The following ARB2A variants were observed in gnomAD, a reference collection of about 807,000 sequenced individuals.
The protein encoded by ARB2A is ARB2 cotranscriptional regulator A, also known as cotranscriptional regulator ARB2A.
the ARB2A span, among the ~76,000 whole-genome samples, chr5:93,813,235 T>C: frequency 6.6e-6 from 1 of 152,134 alleles, no homozygotes; most frequent in African/African-American, 2.4e-5. Flanking sequence ...TACCGGACAA[T>C]GGAGAAAAGG....
the ARB2A span, among the ~76,000 whole-genome samples, chr5:93,768,732 C>A: frequency 6.6e-6 from 1 of 151,962 alleles, no homozygotes; most frequent in Non-Finnish European, 1.5e-5. Flanking sequence ...AGGCTCACGC[C>A]ACCATGCCTG....
chr5:93,784,360 C>G, the ARB2A span: 1 of 1,565,712 alleles, frequency 6.4e-7, no homozygotes, highest in South Asian at 1.1e-5. Context: ...TTCATCTCAG[C>G]ACTAAAAAAA....
chr5:93,860,300 A>T, the ARB2A span, among the ~76,000 whole-genome samples: 1 of 152,290 alleles, frequency 6.6e-6, no homozygotes, highest in African/African-American at 2.4e-5. Context: ...CTCAAAAAAA[A>T]TAAAGAATCT....
the ARB2A span, among the ~76,000 whole-genome samples, chr5:93,892,259 C>T: frequency 6.6e-6 from 1 of 152,154 alleles, no homozygotes; most frequent in Non-Finnish European, 1.5e-5. Flanking sequence ...TGCAATTATA[C>T]ACAGGGAACT....
At chr5:93,995,860 A>G in the ARB2A span, among the ~76,000 whole-genome samples, 1 of 152,216 alleles carries the variant, frequency 6.6e-6, no homozygotes, top group Non-Finnish European at 1.5e-5. Flanking sequence ...CCTGTCCCAA[A>G]TCATCACAAA....
the ARB2A span, among the ~76,000 whole-genome samples, chr5:93,770,056 G>A: frequency 6.6e-6 from 1 of 152,148 alleles, no homozygotes; most frequent in African/African-American, 2.4e-5. Flanking sequence ...GGGGAGCAAG[G>A]GTAGGAACAA....
At chr5:93,629,910 G>C in the ARB2A span, among the ~76,000 whole-genome samples, 1 of 152,174 alleles carries the variant, frequency 6.6e-6, no homozygotes, top group African/African-American at 2.4e-5. Context: ...TAGCTATGTT[G>C]ATAATAACAG....
the ARB2A span, among the ~76,000 whole-genome samples, chr5:93,918,079 C>T: frequency 1.3e-5 from 2 of 152,112 alleles, no homozygotes; most frequent in Non-Finnish European, 2.9e-5. Context: ...TAATTTCATA[C>T]CTGAATACCA....
chr5:93,929,320 T>C, the ARB2A span, among the ~76,000 whole-genome samples: 4 of 152,178 alleles, frequency 2.6e-5, no homozygotes, highest in Non-Finnish European at 5.9e-5. Flanking sequence ...ATCTGGCAAG[T>C]AGTATGAAGC....
At chr5:93,717,658 G>A in the ARB2A span, among the ~76,000 whole-genome samples, 1 of 151,794 alleles carries the variant, frequency 6.6e-6, no homozygotes, top group Admixed American at 6.6e-5. Context: ...GAGTACTGAA[G>A]GTATAAACCG....
At chr5:93,658,774 A>G in the ARB2A span, among the ~76,000 whole-genome samples, 20 of 152,226 alleles carry the variant, frequency 1.3e-4, no homozygotes, top group Middle Eastern at 0.01. Flanking sequence ...AAGGAAGCTC[A>G]AAGATAAATT....
At chr5:93,719,534 A>G in the ARB2A span, among the ~76,000 whole-genome samples, 403 of 151,812 alleles carry the variant, frequency 2.7e-3, no homozygotes, top group Non-Finnish European at 4.8e-3. Context: ...TTTGCCACAG[A>G]TAACATTTCT....
the ARB2A span, chr5:93,865,387 G>T: frequency 1.0e-6 from 1 of 985,132 alleles, no homozygotes; most frequent in Non-Finnish European, 1.2e-6. Flanking sequence ...GCCGATCCTG[G>T]ATAATTTCAT....
chr5:93,668,340 A>C, the ARB2A span, among the ~76,000 whole-genome samples: 1 of 152,198 alleles, frequency 6.6e-6, no homozygotes, highest in African/African-American at 2.4e-5. Flanking sequence ...CCTGGCCTCA[A>C]GCAATCCTCC....
the ARB2A span, among the ~76,000 whole-genome samples, chr5:93,779,989 C>T: frequency 6.6e-6 from 1 of 152,072 alleles, no homozygotes; most frequent in African/African-American, 2.4e-5. Context: ...AAAAACATTA[C>T]AATTTAGTAT....
the ARB2A span, among the ~76,000 whole-genome samples, chr5:93,705,590 A>C: frequency 6.7e-6 from 1 of 150,042 alleles, no homozygotes; most frequent in Non-Finnish European, 1.5e-5. Flanking sequence ...TCTTTAACTG[A>C]AGAAAAAATT....
chr5:93,658,844 A>G, the ARB2A span, among the ~76,000 whole-genome samples: 3 of 151,838 alleles, frequency 2.0e-5, no homozygotes, highest in African/African-American at 7.3e-5. Flanking sequence ...CTTTATTTCT[A>G]AACAGTTTCC....
the ARB2A span, among the ~76,000 whole-genome samples, chr5:93,720,813 C>T: frequency 0.031 from 4,764 of 152,178 alleles, 176 homozygotes; most frequent in East Asian, 0.17. Context: ...TTATGATGAG[C>T]AATCTGTGTT....
the ARB2A span, among the ~76,000 whole-genome samples, chr5:93,804,264 GATAA>G: frequency 6.6e-6 from 1 of 151,840 alleles, no homozygotes; most frequent in Non-Finnish European, 1.5e-5. Flanking sequence ...GAATATAAAA[GATAA>G]ATAACTTCAA....
Sources: gnomAD v4.1 joint callset for allele counts (sites outside exome capture counted in the v4.1 genomes callset) on GRCh38, gnomAD v4.1.1 for gene constraint, MANE v1.5 for transcripts, NCBI Gene and HGNC (gene_info 2026-07-23, HGNC 2026-07-21) for gene names.